The following INSL6 variants were observed in gnomAD, a reference collection of about 807,000 sequenced individuals.
The protein encoded by INSL6 is insulin like 6, also known as insulin-like peptide INSL6.
Under a neutral mutation model 9.4 loss-of-function variants are expected in INSL6, and 16 were observed. The ratio of observed to expected loss-of-function variants is 1.70; its 90% CI spans 1.15 to 2.59. INSL6 has a LOEUF of 2.59. Among genes scored for constraint, INSL6 ranks in the 30% most tolerant of loss-of-function variants. The pLI is 0.00. For missense variants in INSL6, 391 were observed against 257.3 expected (o/e 1.52, Z -3.56); for synonymous variants, 154 against 96.9 (o/e 1.59, Z -3.46).
At chr9:5,083,553 G>A in the INSL6 span, among the ~76,000 whole-genome samples, 1 of 151,996 alleles carries the variant, frequency 6.6e-6, no homozygotes, top group Non-Finnish European at 1.5e-5. Flanking sequence ...GTCTTCTGTT[G>A]TTTATTAGAT....
chr9:5,071,644 G>T, the INSL6 span, among the ~76,000 whole-genome samples: 1 of 152,164 alleles, frequency 6.6e-6, no homozygotes, highest in South Asian at 2.1e-4. Context: ...TGGATTATAT[G>T]AAAGAGGGAT....
chr9:5,183,805 T>A (rs1267517534), intron 1 of INSL6, among the ~76,000 whole-genome samples: 1 of 151,842 alleles, frequency 6.6e-6, no homozygotes, highest in Non-Finnish European at 1.5e-5. Flanking sequence ...GACAGTAAAC[T>A]GGACCTTGTT....
intron 1 of INSL6, among the ~76,000 whole-genome samples, chr9:5,181,114 T>C (rs1825442454): frequency 6.6e-6 from 1 of 151,916 alleles, no homozygotes; most frequent in South Asian, 2.1e-4. Context: ...TGGGGGCGGG[T>C]TCCCCTGATA....
At chr9:5,112,064 C>T in the INSL6 span, 36 of 400,816 alleles carry the variant, frequency 9.0e-5, no homozygotes, top group East Asian at 7.6e-4. Flanking sequence ...GGGGTCTCCA[C>T]GGCCTGGAGA....
chr9:5,002,753 C>T, the INSL6 span, among the ~76,000 whole-genome samples: 1 of 151,556 alleles, frequency 6.6e-6, no homozygotes, highest in Non-Finnish European at 1.5e-5. Flanking sequence ...GTTTTATTTC[C>T]CTCTTTACAT....
At chr9:5,029,746 G>A in the INSL6 span, 7 of 1,567,838 alleles carry the variant, frequency 4.5e-6, no homozygotes, top group Non-Finnish European at 6.1e-6. Context: ...ATTCTGTTGT[G>A]TACCTTTAAT....
At chr9:5,129,615 G>C (rs948121465) in intron 3 of INSL6, among the ~76,000 whole-genome samples, 3 of 152,018 alleles carry the variant, frequency 2.0e-5, no homozygotes, top group Admixed American at 2.0e-4. Context: ...GGTTTTATGA[G>C]ATAAGCTTGA....
At chr9:5,184,649 G>C (rs932247894) in intron 1 of INSL6, among the ~76,000 whole-genome samples, 23 of 152,138 alleles carry the variant, frequency 1.5e-4, no homozygotes, top group Non-Finnish European at 8.8e-5. Context: ...CTTGCATTTG[G>C]TTTAAATGTT....
At chr9:5,117,993 C>A in the INSL6 span, among the ~76,000 whole-genome samples, 3 of 152,052 alleles carry the variant, frequency 2.0e-5, no homozygotes, top group South Asian at 4.1e-4. Context: ...TAATTTTTTT[C>A]TTTGTAAGTA....
the INSL6 span, among the ~76,000 whole-genome samples, chr9:5,039,176 GAAAT>G: frequency 6.6e-6 from 1 of 152,002 alleles, no homozygotes; most frequent in African/African-American, 2.4e-5. Flanking sequence ...GCAAGAAAAA[GAAAT>G]AAAAGGCATT....
intron 3 of INSL6, chr9:5,126,241 A>G: frequency 1.3e-6 from 1 of 793,462 alleles, no homozygotes; most frequent in Non-Finnish European, 2.1e-6. Flanking sequence ...GCACACATAT[A>G]CTAAATTTTT....
chr9:4,998,835 G>A, the INSL6 span, among the ~76,000 whole-genome samples: 1 of 151,750 alleles, frequency 6.6e-6, no homozygotes, highest in Non-Finnish European at 1.5e-5. Context: ...AGTTTTCTCA[G>A]GAGTTCTTTT....
At chr9:5,014,083 A>G in the INSL6 span, among the ~76,000 whole-genome samples, 1 of 152,116 alleles carries the variant, frequency 6.6e-6, no homozygotes, top group African/African-American at 2.4e-5. Context: ...ATGAACTTTT[A>G]AAATGTGATA....
intron 1 of INSL6, among the ~76,000 whole-genome samples, chr9:5,167,855 T>C (rs1404295318): frequency 6.6e-6 from 1 of 152,068 alleles, no homozygotes; most frequent in Non-Finnish European, 1.5e-5. Context: ...GGGACAAAGT[T>C]CTCAGAGGAA....
intron 2 of INSL6, among the ~76,000 whole-genome samples, chr9:5,158,674 C>A (rs577193691): frequency 1.3e-5 from 2 of 151,646 alleles, no homozygotes; most frequent in East Asian, 3.9e-4. Flanking sequence ...ACTTTCCCAG[C>A]CAAAAAAAGG....
At chr9:5,170,096 T>A (rs1035875474) in intron 1 of INSL6, among the ~76,000 whole-genome samples, 1 of 151,928 alleles carries the variant, frequency 6.6e-6, no homozygotes, top group East Asian at 1.9e-4. Context: ...CATCACATAA[T>A]TGGAAGTAAA....
intron 2 of INSL6, among the ~76,000 whole-genome samples, chr9:5,137,162 G>C (rs777694725): frequency 2.0e-5 from 3 of 152,104 alleles, no homozygotes; most frequent in Non-Finnish European, 2.9e-5. Flanking sequence ...TGGATAGAAA[G>C]AATCAATATC....
chr9:5,080,134 T>C, the INSL6 span: 1 of 983,470 alleles, frequency 1.0e-6, no homozygotes, highest in Non-Finnish European at 1.5e-6. Flanking sequence ...ATAGGCCTGA[T>C]TATTCAAATG....
chr9:4,997,822 A>G, the INSL6 span, among the ~76,000 whole-genome samples: 2 of 152,166 alleles, frequency 1.3e-5, no homozygotes, highest in African/African-American at 2.4e-5. Flanking sequence ...GTAACTGGAA[A>G]TCCTTCCAAA....
Sources: gnomAD v4.1 joint callset for allele counts (sites outside exome capture counted in the v4.1 genomes callset) on GRCh38, gnomAD v4.1.1 for gene constraint, MANE v1.5 for transcripts, NCBI Gene and HGNC (gene_info 2026-07-23, HGNC 2026-07-21) for gene names.